The following PALLD variants were observed in gnomAD, a reference collection of about 807,000 sequenced individuals.
The protein encoded by PALLD is palladin.
PALLD carries 61 observed loss-of-function variants against 123.5 expected under a neutral mutation model. The ratio of observed to expected loss-of-function variants is 0.49; its 90% CI spans 0.40 to 0.61. PALLD has a LOEUF of 0.61. PALLD is among the 20% of genes least tolerant of loss of function. PALLD has a pLI of 0.00. For synonymous variants in PALLD, 465 were observed against 496.4 expected (o/e 0.94, Z 0.84); for missense variants, 1,273 against 1,377.0 (o/e 0.92, Z 1.20).
chr4:168,499,849 A>G (rs185170332), intron 1 of PALLD, among the ~76,000 whole-genome samples: 16 of 152,342 alleles, frequency 1.1e-4, no homozygotes, highest in Middle Eastern at 6.8e-3. Flanking sequence ...CTGCCTGTCA[A>G]TGTTTTTCTA....
intron 10 of PALLD, among the ~76,000 whole-genome samples, chr4:168,769,250 G>A (rs1377370830): frequency 6.6e-6 from 1 of 152,186 alleles, no homozygotes; most frequent in Non-Finnish European, 1.5e-5. Context: ...ACACAATCCT[G>A]GAAGAGTATA....
At chr4:168,597,092 C>T (rs1185166205) in intron 2 of PALLD, among the ~76,000 whole-genome samples, 1 of 152,038 alleles carries the variant, frequency 6.6e-6, no homozygotes, top group African/African-American at 2.4e-5. Context: ...AATTGTGTTA[C>T]AGTCAGAATT....
chr4:168,816,136 C>T (rs549460152), intron 10 of PALLD, among the ~76,000 whole-genome samples: 1 of 152,228 alleles, frequency 6.6e-6, no homozygotes, highest in Non-Finnish European at 1.5e-5. Context: ...TAAGGAAACA[C>T]TGCTCTGTGT....
At chr4:168,708,957 G>C in intron 8 of PALLD, 71 bp from the exon 9 acceptor site, 1 of 1,343,366 alleles carries the variant, frequency 7.4e-7, no homozygotes, top group Non-Finnish European at 1.1e-6. Flanking sequence ...TGGAAAGGTG[G>C]AGGGTCTCAC....
intron 10 of PALLD, among the ~76,000 whole-genome samples, chr4:168,758,451 A>T (rs921577597): frequency 1.4e-4 from 22 of 152,188 alleles, no homozygotes; most frequent in Non-Finnish European, 2.8e-4. Flanking sequence ...GCCCTTCTAA[A>T]GAATCCACTG....
intron 10 of PALLD, among the ~76,000 whole-genome samples, chr4:168,731,542 A>G (rs1241444311): frequency 6.6e-6 from 1 of 152,258 alleles, no homozygotes; most frequent in Non-Finnish European, 1.5e-5. Context: ...CAGATAGTCC[A>G]ATTGATATTA....
intron 1 of PALLD, among the ~76,000 whole-genome samples, chr4:168,509,579 G>A (rs1207808054): frequency 6.6e-6 from 1 of 152,144 alleles, no homozygotes; most frequent in East Asian, 1.9e-4. Flanking sequence ...AGCACAGACT[G>A]GACAAAGGAA....
At chr4:168,532,371 A>G (rs1358455477) in intron 2 of PALLD, among the ~76,000 whole-genome samples, 4 of 152,188 alleles carry the variant, frequency 2.6e-5, no homozygotes, top group Non-Finnish European at 5.9e-5. Flanking sequence ...TTCATTCATA[A>G]ACATAATCTA....
intron 2 of PALLD, among the ~76,000 whole-genome samples, chr4:168,656,907 C>A (rs1222437197): frequency 1.3e-4 from 20 of 152,134 alleles, no homozygotes; most frequent in Admixed American, 1.3e-3. Context: ...ACTCAGGGGC[C>A]AACACTAATT....
chr4:168,609,151 A>T (rs1309405939), intron 2 of PALLD, among the ~76,000 whole-genome samples: 1 of 151,996 alleles, frequency 6.6e-6, no homozygotes, highest in Non-Finnish European at 1.5e-5. Context: ...AGCCAGAATT[A>T]TGTTTACCTG....
intron 2 of PALLD, among the ~76,000 whole-genome samples, chr4:168,619,414 T>C (rs929913915): frequency 1.1e-4 from 17 of 152,226 alleles, no homozygotes; most frequent in Non-Finnish European, 2.5e-4. Flanking sequence ...GCTTTTAATC[T>C]AACTGAAATA....
intron 10 of PALLD, among the ~76,000 whole-genome samples, chr4:168,729,756 A>G (rs1167677156): frequency 2.0e-5 from 3 of 152,216 alleles, no homozygotes; most frequent in Non-Finnish European, 2.9e-5. Context: ...CTTCCAAAGA[A>G]AGGGTACAGA....
chr4:168,915,997 A>G lies in PALLD; in HGVS notation c.2820A>G (p.Gln940=). The change falls in exon 17 of 22, where the codon CAA becomes CAG. Residue 940 remains glutamine (Q), a synonymous_variant. Coordinates refer to ENST00000505667, the MANE Select transcript of PALLD (RefSeq NM_001166108.2). ...FLQAPGDLTV[Q]EGKLCRMDCK... Reference sequence around the variant, plus strand: ...AGGCTCCTGGAGATCTGACTGTTCAAGAAGGAAAACTCTGCAGAATGGACT... The same window carrying G: ...AGGCTCCTGGAGATCTGACTGTTCAGGAAGGAAAACTCTGCAGAATGGACT... 1 of 1,614,046 alleles carries G rather than the reference A, an allele frequency of 6.2e-7. No individual in the cohort carries two copies. Among genetic ancestry groups the G allele is most frequent in the Non-Finnish European group, 8.5e-7 (1 of 1,179,910 alleles).
chr4:168,839,416 TA>T lies in PALLD; in HGVS notation c.1965-51505del, dbSNP rs547372690. Among the ~76,000 whole-genome samples the T allele has an allele frequency of 1.0e-3, 157 of 152,172 alleles. 2 individuals are homozygous for T. The highest frequency in any genetic ancestry group is 9.9e-4 in the Non-Finnish European group (67 of 68,004). ...CACACTGTTGTGGGCGCTCTGTAGG[TA>T]GTCAATGGGAAACGGGAAAGCTACT... is the stretch of plus-strand genomic sequence containing the variant. On this transcript the variant is annotated intron_variant, in intron 10 of 21. Coordinates refer to ENST00000505667, the MANE Select transcript of PALLD (RefSeq NM_001166108.2).
chr4:168,527,213 G>A (rs561673002), intron 2 of PALLD, among the ~76,000 whole-genome samples: 62 of 152,104 alleles, frequency 4.1e-4, no homozygotes, highest in South Asian at 4.2e-4. Context: ...ACCTGAGGTC[G>A]GGAGTTCAAG....
chr4:168,926,188 CT>C (rs1762558642), intron 21 of PALLD, 24 bp from the exon 22 acceptor site: 2 of 1,489,452 alleles, frequency 1.3e-6, no homozygotes, highest in South Asian at 2.6e-5. Context: ...GATTAAAAAT[CT>C]TAATTTACTC....
intron 2 of PALLD, among the ~76,000 whole-genome samples, chr4:168,579,868 C>T (rs1770055665): frequency 1.3e-5 from 2 of 152,088 alleles, no homozygotes; most frequent in South Asian, 4.1e-4. Context: ...TCTCAGCTCA[C>T]ATAGTTACAG....
chr4:168,600,054 T>C (rs71643116), intron 2 of PALLD, among the ~76,000 whole-genome samples: 24,340 of 130,670 alleles, frequency 0.19, 2,343 homozygotes, highest in East Asian at 0.35. Flanking sequence ...TATACACACA[T>C]ATATACATAC....
chr4:168,889,229 C>A (rs1296084047), intron 10 of PALLD, among the ~76,000 whole-genome samples: 1 of 148,292 alleles, frequency 6.7e-6, no homozygotes, highest in Admixed American at 6.8e-5. Flanking sequence ...AGTGGTGCGA[C>A]CTCGGCTCAC....
Sources: allele counts gnomAD v4.1 joint callset (sites outside exome capture counted in the v4.1 genomes callset), GRCh38; gene constraint gnomAD v4.1.1; transcripts MANE v1.5; gene names NCBI Gene and HGNC (gene_info 2026-07-23, HGNC 2026-07-21).